Variants in MAPK4 observed in about 807,000 individuals in gnomAD.
MAPK4 encodes the protein Erk3-related.
Under a neutral mutation model 47.7 loss-of-function variants are expected in MAPK4, and 22 were observed. That is an observed-to-expected ratio of 0.46 (90% confidence interval 0.33 to 0.66). MAPK4 has a LOEUF of 0.66. MAPK4 is among the 30% of genes least tolerant of loss of function. The probability of loss-of-function intolerance (pLI) is 0.02; values close to 1 mark genes in which losing one functional copy is unlikely to be tolerated. For missense variants in MAPK4, 736 were observed against 831.7 expected, an observed-to-expected ratio of 0.88 and a Z score of 1.42; for synonymous variants, 390 against 365.7, an observed-to-expected ratio of 1.07 and a Z score of -0.76.
At position 50,663,406 on chromosome 18, in the gene MAPK4, A is replaced by G. The variant is rs975193690; in HGVS notation, c.-553A>G. 5 of 152,352 alleles carry G rather than the reference A, an allele frequency of 3.3e-5. No homozygotes were observed. Among genetic ancestry groups the G allele is most frequent in the African/African-American group, 1.2e-4 (5 of 41,474 alleles). The allele number at this position is 152,352 out of a possible 1,614,324, so 9.4% of individuals were successfully genotyped here. Reference sequence around the variant, plus strand: ...TAGAAAGAAGCCCCTGGATGCCTCCAGAATTCATTGATGGGATCCCTGCAT... The same window carrying G: ...TAGAAAGAAGCCCCTGGATGCCTCCGGAATTCATTGATGGGATCCCTGCAT... On this transcript the variant is annotated 5_prime_UTR_variant, in exon 2 of 6. Coordinates refer to ENST00000400384, the MANE Select transcript of MAPK4 (RefSeq NM_002747.4).
At chr18:50,587,839 CT>C (rs2042402167) in intron 1 of MAPK4, among the ~76,000 whole-genome samples, 1 of 152,184 alleles carries the variant, frequency 6.6e-6, no homozygotes, top group South Asian at 2.1e-4. Flanking sequence ...AGTGATTCTC[CT>C]GCCTTAGCTT....
intron 1 of MAPK4, among the ~76,000 whole-genome samples, chr18:50,638,651 A>G (rs2042910788): frequency 6.6e-6 from 1 of 152,240 alleles, no homozygotes; most frequent in South Asian, 2.1e-4. Flanking sequence ...TTGTTCTAGC[A>G]TGGAGAAATG....
chr18:50,631,138 C>T (rs548537483), intron 1 of MAPK4, among the ~76,000 whole-genome samples: 10 of 152,310 alleles, frequency 6.6e-5, no homozygotes, highest in African/African-American at 1.9e-4. Flanking sequence ...CTGGTTTCAG[C>T]TCTCATACTG....
rs747073199 is a variant in MAPK4, at chr18:50,715,137, C to T, written c.605C>T (p.Ser202Phe). 6.2e-7 allele frequency: 1 copy of T among 1,614,162 alleles called. No homozygotes were observed. The stretch of plus-strand genomic sequence containing the variant: ...TACCGTTCCCCACGACTGCTCCTTT[C>T]CCCCAATAACTACACCAAAGCCATC... ...KWYRSPRLLL[S>F]PNNYTKAIDM... The change falls in exon 3 of 6, where the codon TCC becomes TTC. Residue 202 changes from serine to phenylalanine, a missense_variant. Physicochemically the swap from Ser to Phe is radical, Grantham distance 155. Coordinates refer to ENST00000400384, the MANE Select transcript of MAPK4 (RefSeq NM_002747.4).
At chr18:50,604,569 GT>G (rs2042567256) in intron 1 of MAPK4, among the ~76,000 whole-genome samples, 1 of 152,190 alleles carries the variant, frequency 6.6e-6, no homozygotes. Flanking sequence ...AGAACAGAGC[GT>G]GTAGAATAAT....
At chr18:50,723,662 A>G (rs1911047291) in intron 4 of MAPK4, among the ~76,000 whole-genome samples, 1 of 152,174 alleles carries the variant, frequency 6.6e-6, no homozygotes, top group Non-Finnish European at 1.5e-5. Flanking sequence ...CAGGAGTTTC[A>G]GGCCAGCCTG....
intron 1 of MAPK4, among the ~76,000 whole-genome samples, chr18:50,563,461 G>T (rs542133591): frequency 6.6e-6 from 1 of 152,156 alleles, no homozygotes; most frequent in Non-Finnish European, 1.5e-5. Context: ...GGTGTCAGGT[G>T]GGGGGCATCA....
intron 1 of MAPK4, among the ~76,000 whole-genome samples, chr18:50,611,855 C>T (rs1002038709): frequency 2.0e-5 from 3 of 152,168 alleles, no homozygotes; most frequent in African/African-American, 7.2e-5. Context: ...CATCACTTTC[C>T]CTGATCAGAA....
intron 1 of MAPK4, among the ~76,000 whole-genome samples, chr18:50,599,608 G>A (rs1348305787): frequency 3.9e-5 from 6 of 152,000 alleles, no homozygotes; most frequent in Non-Finnish European, 8.8e-5. Flanking sequence ...TAGTAGAGGC[G>A]GGGTTTTGCC....
chr18:50,725,741 CTCTGAG>C lies in MAPK4; in HGVS notation c.854-216_854-211del, dbSNP rs541844749. On this transcript the variant is annotated intron_variant, in intron 4 of 5. Transcript: ENST00000400384. ...TGGACCTTGAGCAAGTCACTTGATC[CTCTGAG>C]TCTGTTTAATTCATTTACAAAATCT... is the stretch of plus-strand genomic sequence containing the variant. Among the ~76,000 whole-genome samples, 648 of 152,178 alleles carry C rather than the reference CTCTGAG, an allele frequency of 4.3e-3. 2 individuals carry two copies. The highest frequency in any genetic ancestry group is 6.3e-3 in the Non-Finnish European group (431 of 68,032).
chr18:50,651,133 G>A (rs1219557760), intron 1 of MAPK4, among the ~76,000 whole-genome samples: 2 of 152,242 alleles, frequency 1.3e-5, no homozygotes, highest in African/African-American at 2.4e-5. Context: ...AGCAAGGAAC[G>A]CAGGTGCTGC....
Position 50,684,552 on chromosome 18 carries a change from A to G in MAPK4, c.546+20048A>G, listed in dbSNP as rs550184684. The stretch of plus-strand genomic sequence containing the variant: ...GAGAGCGAGCCCCTGACTCAAAAAA[A>G]AAAAAAAGCTTTTATTCCCCTTCAC... On this transcript the variant is annotated intron_variant, in intron 2 of 5. Transcript: ENST00000400384. Among the ~76,000 whole-genome samples, 540 of 151,954 alleles carry G rather than the reference A, an allele frequency of 3.6e-3. 9 individuals are homozygous for G. Among genetic ancestry groups the G allele is most frequent in the Non-Finnish European group, 3.1e-3 (211 of 67,916 alleles).
intron 1 of MAPK4, among the ~76,000 whole-genome samples, chr18:50,573,383 C>A (rs1014469072): frequency 6.6e-6 from 1 of 152,142 alleles, no homozygotes; most frequent in Admixed American, 6.5e-5. Context: ...TACAGCCGCT[C>A]CCCATGGCTT....
intron 2 of MAPK4, among the ~76,000 whole-genome samples, chr18:50,679,343 C>T (rs1035023060): frequency 5.9e-5 from 9 of 152,214 alleles, no homozygotes; most frequent in African/African-American, 2.2e-4. Flanking sequence ...TTTGCAAATG[C>T]TCTGGGTCGG....
intron 2 of MAPK4, among the ~76,000 whole-genome samples, chr18:50,695,324 T>TC (rs1909447423): frequency 8.2e-6 from 1 of 121,720 alleles, no homozygotes; most frequent in South Asian, 2.6e-4. Context: ...CTGGCCTAGG[T>TC]CAAGGCTCCA....
Position 50,663,964 on chromosome 18 carries a change from T to C in MAPK4, c.6T>C (p.Ala2=), listed in dbSNP as rs900728295. 5.0e-6 allele frequency: 8 copies of C among 1,609,724 alleles called. No homozygotes were observed. Among genetic ancestry groups the C allele is most frequent in the Non-Finnish European group, 6.8e-6 (8 of 1,177,308 alleles). Residue 2 remains alanine (A), a synonymous_variant, in exon 2 of 6, where the codon GCT becomes GCC. Transcript: ENST00000400384. ...TCCAGATCACTGAGCCCACAATGGC[T>C]GAGAAGGGTGACTGCATCGCCAGTG... M[A]EKGDCIASVY... is the part of the protein sequence containing the mutation.
intron 1 of MAPK4, among the ~76,000 whole-genome samples, chr18:50,636,941 T>C (rs1568055931): frequency 6.6e-6 from 1 of 152,186 alleles, no homozygotes; most frequent in Non-Finnish European, 1.5e-5. Flanking sequence ...CCAGAATCAA[T>C]TTCCCAACTC....
intron 1 of MAPK4, among the ~76,000 whole-genome samples, chr18:50,646,692 G>A (rs887137553): frequency 1.3e-5 from 2 of 152,212 alleles, no homozygotes; most frequent in Non-Finnish European, 2.9e-5. Flanking sequence ...TCAGAGGGGA[G>A]CACAATAGGT....
At chr18:50,577,280 G>A (rs540641033) in intron 1 of MAPK4, among the ~76,000 whole-genome samples, 10 of 152,252 alleles carry the variant, frequency 6.6e-5, no homozygotes, top group South Asian at 6.2e-4. Flanking sequence ...CCTACACACC[G>A]TATGCATGTG....
Sources: gnomAD v4.1 joint callset for allele counts (sites outside exome capture counted in the v4.1 genomes callset) on GRCh38, gnomAD v4.1.1 for gene constraint, MANE v1.5 for transcripts, NCBI Gene and HGNC (gene_info 2026-07-23, HGNC 2026-07-21) for gene names.